SYN3: variants seen among roughly 807,000 people sequenced by gnomAD.
The protein encoded by SYN3 is synapsin-3.
Under a neutral mutation model 65.8 loss-of-function variants are expected in SYN3, and 35 were observed. The ratio of observed to expected loss-of-function variants is 0.53; its 90% CI spans 0.41 to 0.70. SYN3 has a LOEUF of 0.70. SYN3 is among the 30% of genes least tolerant of loss of function. SYN3 has a pLI of 0.00. For missense variants in SYN3, 680 were observed against 749.0 expected, an observed-to-expected ratio of 0.91 and a Z score of 1.08; for synonymous variants, 270 against 292.9, an observed-to-expected ratio of 0.92 and a Z score of 0.80.
intron 6 of SYN3, among the ~76,000 whole-genome samples, chr22:32,798,281 C>A (rs949266232): frequency 2.6e-5 from 4 of 152,090 alleles, no homozygotes; most frequent in Admixed American, 2.0e-4. Flanking sequence ...GTCTACAGAT[C>A]TGAAAAGCAG....
intron 6 of SYN3, among the ~76,000 whole-genome samples, chr22:32,848,503 T>C (rs2048131408): frequency 6.6e-6 from 1 of 152,174 alleles, no homozygotes; most frequent in Non-Finnish European, 1.5e-5. Flanking sequence ...ATAAGTGAAA[T>C]GTACATGGCA....
chr22:32,947,972 T>C (rs2051164211), intron 3 of SYN3, among the ~76,000 whole-genome samples: 1 of 152,212 alleles, frequency 6.6e-6, no homozygotes, highest in South Asian at 2.1e-4. Context: ...GTCAGTTATC[T>C]GCAATTATAG....
intron 8 of SYN3, among the ~76,000 whole-genome samples, chr22:32,539,931 A>C (rs2058227034): frequency 6.6e-6 from 1 of 152,212 alleles, no homozygotes; most frequent in Non-Finnish European, 1.5e-5. Flanking sequence ...GGGGGCAGGG[A>C]GGAGGTGATT....
intron 6 of SYN3, among the ~76,000 whole-genome samples, chr22:32,697,074 A>G (rs1341622395): frequency 6.6e-6 from 1 of 152,206 alleles, no homozygotes; most frequent in Admixed American, 6.5e-5. Context: ...GCTGGTGTTA[A>G]AAGTCATGGA....
chr22:32,720,096 C>T (rs1208749799), intron 6 of SYN3, among the ~76,000 whole-genome samples: 1 of 152,176 alleles, frequency 6.6e-6, no homozygotes, highest in Non-Finnish European at 1.5e-5. Context: ...AGTTTAAGCC[C>T]TGGTTTCAGC....
intron 1 of SYN3, among the ~76,000 whole-genome samples, chr22:33,036,420 T>G (rs1191013596): frequency 1.3e-5 from 2 of 152,126 alleles, no homozygotes; most frequent in African/African-American, 2.4e-5. Flanking sequence ...CTCCCTGTGT[T>G]TGCCTAAAAG....
rs952227984 is a variant in SYN3 at position 32,970,848 on chromosome 22, A to C, written c.369+9797T>G. Among the ~76,000 whole-genome samples, 6 of 152,226 alleles carry C rather than the reference A, an allele frequency of 3.9e-5. No individual in the cohort carries two copies. The South Asian group carries it at 1.2e-3, about 31-fold the overall frequency. ...CTCAAGCTGGAAGGGGAAAGGCAAAAAGCTTTGTAAAGACAAATTCATGAC... is the reference window on the plus strand; with the variant it reads ...CTCAAGCTGGAAGGGGAAAGGCAAACAGCTTTGTAAAGACAAATTCATGAC... On this transcript the variant is annotated intron_variant, in intron 3 of 13. Coordinates refer to ENST00000358763, the MANE Select transcript of SYN3 (RefSeq NM_003490.4).
chr22:33,006,347 C>T lies in SYN3; in HGVS notation c.311+5G>A, dbSNP rs1309417053. The T allele has an allele frequency of 1.3e-6, 2 of 1,590,826 alleles. No individual in the cohort carries two copies. Among genetic ancestry groups the T allele is most frequent in the South Asian group, 2.2e-5 (2 of 89,150 alleles). Reference sequence around the variant, plus strand: ...AGGTGGTAGCACTTGCAAATTCCTACTTACCAGTCTGTATGGGCATCATCG... The same window carrying T: ...AGGTGGTAGCACTTGCAAATTCCTATTTACCAGTCTGTATGGGCATCATCG... On this transcript the variant is annotated splice_donor_5th_base_variant and intron_variant, in intron 2 of 13. Transcript: ENST00000358763.
At chr22:32,743,502 G>C (rs2044836386) in intron 6 of SYN3, among the ~76,000 whole-genome samples, 1 of 152,132 alleles carries the variant, frequency 6.6e-6, no homozygotes, top group Non-Finnish European at 1.5e-5. Flanking sequence ...AGAGGTGGAG[G>C]AGACGCTGAA....
At chr22:32,686,181 A>G (rs2060586081) in intron 6 of SYN3, among the ~76,000 whole-genome samples, 1 of 152,120 alleles carries the variant, frequency 6.6e-6, no homozygotes, top group African/African-American at 2.4e-5. Context: ...GAAATAACTG[A>G]TGATTTGAGT....
Position 32,664,991 on chromosome 22 carries a change from C to CTTT in SYN3, c.712-68258_712-68256dup, listed in dbSNP as rs564943069. ...AAAGTCCATTGTATAATGTATAATT[C>CTTT]TTTTTTTTTTTTTTTTTTTTTTTTT... On this transcript the variant is annotated intron_variant, in intron 6 of 13. Coordinates refer to ENST00000358763, the MANE Select transcript of SYN3 (RefSeq NM_003490.4). 1.2e-4 allele frequency among the ~76,000 whole-genome samples: 8 copies of CTTT among 68,952 alleles called. 1 individual carries two copies. Among genetic ancestry groups the CTTT allele is most frequent in the African/African-American group, 1.3e-4 (2 of 15,300 alleles). The allele number at this position is 68,952 out of a possible 152,430, so 45.2% of individuals were successfully genotyped here. A position where few individuals can be genotyped will look rare whatever the true frequency, so the allele number is the denominator to read the frequency against.
intron 2 of SYN3, among the ~76,000 whole-genome samples, chr22:32,992,117 C>T (rs1035735313): frequency 1.2e-4 from 18 of 152,208 alleles, no homozygotes; most frequent in Non-Finnish European, 1.6e-4. Flanking sequence ...GGAGAAAACA[C>T]GACTCACAAG....
At chr22:32,629,797 T>C (rs1173756189) in intron 6 of SYN3, 2 of 151,936 alleles carry the variant, frequency 1.3e-5, no homozygotes, top group Non-Finnish European at 2.9e-5. Context: ...AGTGGGGTGG[T>C]TAAGAGCATG....
chr22:32,553,332 A>C lies in SYN3; in HGVS notation c.775-11619T>G, dbSNP rs1601619968. 3.9e-5 allele frequency among the ~76,000 whole-genome samples: 6 copies of C among 152,352 alleles called. 1 individual carries two copies. The highest frequency in any genetic ancestry group is 3.9e-4 in the Admixed American group (6 of 15,294). ...GCAGTGATCATTTTGATCCGTTTTT[A>C]AATAAAGCTTATTAATTACTTGAAA... On this transcript the variant is annotated intron_variant, in intron 7 of 13. Coordinates refer to ENST00000358763, the MANE Select transcript of SYN3 (RefSeq NM_003490.4).
chr22:32,923,935 T>C (rs887680407), intron 4 of SYN3, among the ~76,000 whole-genome samples: 5 of 148,000 alleles, frequency 3.4e-5, no homozygotes, highest in African/African-American at 5.0e-5. Context: ...AATGAGAACA[T>C]GTGGTATTTG....
chr22:32,655,221 G>A (rs1750007775), intron 6 of SYN3, among the ~76,000 whole-genome samples: 1 of 152,338 alleles, frequency 6.6e-6, no homozygotes, highest in East Asian at 1.9e-4. Context: ...CATGGTGACA[G>A]AGCAAGAAGT....
chr22:32,685,416 G>C (rs1003139608), intron 6 of SYN3, among the ~76,000 whole-genome samples: 8 of 152,242 alleles, frequency 5.3e-5, no homozygotes, highest in Non-Finnish European at 7.3e-5. Flanking sequence ...ACTGTAGTCA[G>C]TGATGAACCG....
chr22:32,946,807 C>T lies in SYN3; in HGVS notation c.370-15326G>A, dbSNP rs997056496. The stretch of plus-strand genomic sequence containing the variant: ...CTGATTGTTTTAGGGGGGAAAATAG[C>T]CATGTTATACATTTGTAGGAGATTA... On this transcript the variant is annotated intron_variant, in intron 3 of 13. Transcript: ENST00000358763. Among the ~76,000 whole-genome samples, 4 of 152,162 alleles carry T rather than the reference C, an allele frequency of 2.6e-5. No homozygotes were observed. In the East Asian group the frequency reaches 5.8e-4, roughly 22 times the overall value.
chr22:32,606,742 T>C (rs1396345832), intron 6 of SYN3, among the ~76,000 whole-genome samples: 1 of 152,142 alleles, frequency 6.6e-6, no homozygotes, highest in Non-Finnish European at 1.5e-5. Context: ...GCATATGCTG[T>C]TTTTATTGCC....
Sources: gnomAD v4.1 joint callset for allele counts (sites outside exome capture counted in the v4.1 genomes callset) on GRCh38, gnomAD v4.1.1 for gene constraint, MANE v1.5 for transcripts, NCBI Gene and HGNC (gene_info 2026-07-23, HGNC 2026-07-21) for gene names.